The following CNOT4 variants were observed in gnomAD, a reference collection of about 807,000 sequenced individuals.
CNOT4 encodes the protein CCR4-NOT transcription complex subunit 4.
A neutral mutation model predicts 73.8 loss-of-function variants in CNOT4; 8 were observed. The observed-to-expected ratio is 0.11, with a 90% CI of 0.06 to 0.20. The LOEUF (loss-of-function observed/expected upper bound fraction) is 0.20, where lower values mean the gene tolerates loss of function less well. CNOT4 is among the 10% of genes least tolerant of loss of function. The pLI is 1.00. For synonymous variants in CNOT4, 293 were observed against 321.1 expected, an observed-to-expected ratio of 0.91 and a Z score of 0.94; for missense variants, 564 against 883.4, an observed-to-expected ratio of 0.64 and a Z score of 4.58.
chr7:135,406,363 G>A (rs1206090430), intron 7 of CNOT4, among the ~76,000 whole-genome samples: 2 of 129,292 alleles, frequency 1.5e-5, no homozygotes, highest in East Asian at 2.2e-4. Flanking sequence ...GTACACCTAT[G>A]TCAAAATTTG....
intron 7 of CNOT4, among the ~76,000 whole-genome samples, chr7:135,408,510 A>C (rs191942136): frequency 7.8e-4 from 119 of 152,294 alleles, no homozygotes; most frequent in Non-Finnish European, 1.4e-3. Flanking sequence ...ATTTTACAAT[A>C]ATTTGTATTT....
intron 1 of CNOT4, among the ~76,000 whole-genome samples, chr7:135,505,016 T>C (rs1804272419): frequency 1.3e-5 from 2 of 152,208 alleles, no homozygotes; most frequent in African/African-American, 4.8e-5. Context: ...GTTTTAGGCA[T>C]ATCCACAAGC....
chr7:135,373,027 G>A (rs946996923), intron 10 of CNOT4, among the ~76,000 whole-genome samples: 6 of 152,178 alleles, frequency 3.9e-5, no homozygotes, highest in Admixed American at 2.6e-4. Context: ...AAAATTAGAG[G>A]AAATCTAAAG....
chr7:135,404,492 T>G (rs1054105543), intron 7 of CNOT4, among the ~76,000 whole-genome samples: 1 of 152,304 alleles, frequency 6.6e-6, no homozygotes, highest in East Asian at 1.9e-4. Flanking sequence ...AAAATTTCAG[T>G]GTTCACAAAT....
At chr7:135,377,912 C>T (rs1795609233) in intron 10 of CNOT4, among the ~76,000 whole-genome samples, 2 of 152,060 alleles carry the variant, frequency 1.3e-5, no homozygotes, top group Non-Finnish European at 2.9e-5. Flanking sequence ...TCAGAAACAG[C>T]AATATTCTTA....
At chr7:135,495,752 A>G (rs1803519803) in intron 1 of CNOT4, among the ~76,000 whole-genome samples, 1 of 131,470 alleles carries the variant, frequency 7.6e-6, no homozygotes, top group Non-Finnish European at 1.7e-5. Flanking sequence ...GAAAGAAAGA[A>G]AGAAAGAAAG....
chr7:135,461,480 G>A (rs374311927), intron 1 of CNOT4, among the ~76,000 whole-genome samples: 17 of 152,082 alleles, frequency 1.1e-4, no homozygotes, highest in African/African-American at 3.6e-4. Context: ...TATCATCATC[G>A]AATTGTCCTT....
rs1242470545 is a variant in CNOT4, at chr7:135,394,061, G to C, written c.1484C>G (p.Ala495Gly). 1.2e-6 allele frequency: 2 copies of C among 1,614,186 alleles called. No homozygotes were observed. Among genetic ancestry groups the C allele is most frequent in the South Asian group, 2.2e-5 (2 of 91,074 alleles). ...AAAGGCCATCCAAGGATAGCGGGCT[G>C]CCTGGCCTGGAAAACTGAATGAATT... ...VYNSFSFPGQAARYPWMAFPR... is the reference protein window; with the variant it reads ...VYNSFSFPGQGARYPWMAFPR... Residue 495 changes from alanine (A) to glycine (G), a missense_variant, in exon 10 of 12, where the codon GCA becomes GGA. This residue lies in a region of CNOT4 where 153 missense variants were observed against 158.7 expected (regional missense o/e 0.96). Coordinates refer to ENST00000541284, the MANE Select transcript of CNOT4 (RefSeq NM_001190850.2).
At chr7:135,480,163 A>T (rs1228369772) in intron 1 of CNOT4, among the ~76,000 whole-genome samples, 1 of 152,178 alleles carries the variant, frequency 6.6e-6, no homozygotes. Flanking sequence ...TTCTGTTAAC[A>T]ATAATTTCTA....
intron 10 of CNOT4, among the ~76,000 whole-genome samples, chr7:135,366,633 G>A (rs1209647158): frequency 6.6e-6 from 1 of 152,166 alleles, no homozygotes; most frequent in African/African-American, 2.4e-5. Flanking sequence ...AAAATCATGT[G>A]CCTTGACATT....
chr7:135,430,647 TA>T (rs942088491), intron 2 of CNOT4, among the ~76,000 whole-genome samples: 1 of 151,412 alleles, frequency 6.6e-6, no homozygotes, highest in African/African-American at 2.4e-5. Flanking sequence ...CCTATCGCTT[TA>T]AAAAAAACCA....
chr7:135,491,821 T>C (rs554596801), intron 1 of CNOT4, among the ~76,000 whole-genome samples: 1 of 152,328 alleles, frequency 6.6e-6, no homozygotes, highest in East Asian at 1.9e-4. Flanking sequence ...TAGGGCAATG[T>C]CCAGAGTAAA....
At chr7:135,390,146 A>T (rs1437759062) in intron 10 of CNOT4, among the ~76,000 whole-genome samples, 1 of 150,826 alleles carries the variant, frequency 6.6e-6, no homozygotes, top group East Asian at 1.9e-4. Context: ...GGGACTTCCA[A>T]GTGTGTGAGA....
intron 10 of CNOT4, chr7:135,388,033 C>G (rs879164095): frequency 6.1e-6 from 6 of 985,238 alleles, no homozygotes; most frequent in Non-Finnish European, 6.0e-6. Context: ...ACAATGTTTA[C>G]TCCGTATTCA....
chr7:135,375,325 G>A (rs553242346), intron 10 of CNOT4, among the ~76,000 whole-genome samples: 1 of 152,296 alleles, frequency 6.6e-6, no homozygotes, highest in African/African-American at 2.4e-5. Context: ...GAAGTTAACA[G>A]ACAAGTGGTC....
At chr7:135,384,219 T>C (rs1025082052) in intron 10 of CNOT4, 9 of 155,920 alleles carry the variant, frequency 5.8e-5, no homozygotes, top group Non-Finnish European at 1.1e-4. Flanking sequence ...AATTCTCATC[T>C]TTCTCTTTCC....
chr7:135,503,147 C>A (rs889796952), intron 1 of CNOT4, among the ~76,000 whole-genome samples: 1 of 151,138 alleles, frequency 6.6e-6, no homozygotes, highest in Non-Finnish European at 1.5e-5. Flanking sequence ...GAGTCGGACA[C>A]CATCTCAAAA....
intron 2 of CNOT4, among the ~76,000 whole-genome samples, chr7:135,430,980 A>G (rs565066793): frequency 4.3e-4 from 66 of 152,364 alleles, no homozygotes; most frequent in Non-Finnish European, 9.0e-4. Flanking sequence ...TTAAAAACAC[A>G]GAGCCAGGTG....
chr7:135,492,304 C>T lies in CNOT4; in HGVS notation c.-93+17585G>A, dbSNP rs147099103. Among the ~76,000 whole-genome samples, 4 of 152,066 alleles carry T rather than the reference C, an allele frequency of 2.6e-5. No homozygotes were observed. The South Asian group carries it at 6.2e-4, about 24-fold the overall frequency. On this transcript the variant is annotated intron_variant, in intron 1 of 11. Transcript: ENST00000541284. ...GTATTTTTCTTCAGTCACTTTCAGC[C>T]GCACAGATGTAGATATGAAGTACTC...
Sources: allele counts gnomAD v4.1 joint callset (sites outside exome capture counted in the v4.1 genomes callset), GRCh38; gene constraint gnomAD v4.1.1; regional missense constraint gnomAD v4.1.1; transcripts MANE v1.5; gene names NCBI Gene and HGNC (gene_info 2026-07-23, HGNC 2026-07-21).